Variants in RAPGEF2 observed in about 807,000 individuals in gnomAD.
The protein encoded by RAPGEF2 is PDZ domain containing guanine nucleotide exchange factor (GEF) 1.
RAPGEF2 carries 54 observed loss-of-function variants against 186.7 expected under a neutral mutation model. The observed-to-expected ratio is 0.29, with a 90% CI of 0.23 to 0.36. The LOEUF (loss-of-function observed/expected upper bound fraction) is 0.36, where lower values mean the gene tolerates loss of function less well. RAPGEF2 is among the 10% of genes least tolerant of loss of function. The probability of loss-of-function intolerance (pLI) is 1.00; values close to 1 mark genes in which losing one functional copy is unlikely to be tolerated. For missense variants in RAPGEF2, 1,532 were observed against 2,045.0 expected, an observed-to-expected ratio of 0.75 and a Z score of 4.84; for synonymous variants, 712 against 705.9, an observed-to-expected ratio of 1.01 and a Z score of -0.14.
intron 8 of RAPGEF2, among the ~76,000 whole-genome samples, chr4:159,308,325 A>G (rs968279152): frequency 1.3e-5 from 2 of 152,244 alleles, no homozygotes; most frequent in Non-Finnish European, 2.9e-5. Context: ...GGAAAAATCC[A>G]TAGATGTATC....
chr4:159,258,675 A>G (rs1034553928), intron 7 of RAPGEF2, among the ~76,000 whole-genome samples: 5 of 152,226 alleles, frequency 3.3e-5, no homozygotes, highest in African/African-American at 1.2e-4. Context: ...TGAAGACTCA[A>G]TAGGTCTATG....
intron 1 of RAPGEF2, among the ~76,000 whole-genome samples, chr4:159,131,086 G>C (rs1486744373): frequency 3.6e-5 from 2 of 55,944 alleles, no homozygotes; most frequent in Non-Finnish European, 6.9e-5. Flanking sequence ...GTTGTTTTGT[G>C]TGTGTGTGTG....
Position 159,220,872 on chromosome 4 carries a change from T to A in RAPGEF2, c.281+10289T>A, listed in dbSNP as rs1354721646. Among the ~76,000 whole-genome samples, 5 of 152,348 alleles carry A rather than the reference T, an allele frequency of 3.3e-5. No homozygotes were observed. The East Asian group carries it at 9.6e-4, about 29-fold the overall frequency. ...ATTTTTAACTTGACCTTTAAAAAAA[T>A]CACTTTAAAAAGTTTGACAATATTA... On this transcript the variant is annotated intron_variant, in intron 4 of 29. Coordinates refer to ENST00000691494, the MANE Select transcript of RAPGEF2 (RefSeq NM_001394067.2).
At chr4:159,117,872 G>A (rs1739219941) in intron 1 of RAPGEF2, among the ~76,000 whole-genome samples, 2 of 151,806 alleles carry the variant, frequency 1.3e-5, no homozygotes, top group South Asian at 2.1e-4. Context: ...CTATCCACAA[G>A]CCTCATTTAA....
chr4:159,194,823 ACCCT>A (rs1214384581), intron 3 of RAPGEF2, among the ~76,000 whole-genome samples: 5 of 152,042 alleles, frequency 3.3e-5, no homozygotes, highest in Admixed American at 1.3e-4. Context: ...ATGTCTCCCA[ACCCT>A]CCCTATCTAC....
At chr4:159,257,186 A>G (rs1202721813) in intron 7 of RAPGEF2, among the ~76,000 whole-genome samples, 1 of 152,080 alleles carries the variant, frequency 6.6e-6, no homozygotes, top group Non-Finnish European at 1.5e-5. Flanking sequence ...GATTGTTAAT[A>G]GTTTTGGGTT....
At chr4:159,142,148 T>C (rs1409475604) in intron 1 of RAPGEF2, among the ~76,000 whole-genome samples, 2 of 152,226 alleles carry the variant, frequency 1.3e-5, no homozygotes, top group East Asian at 3.8e-4. Context: ...TTTGGGTATT[T>C]ATTTATTTTT....
intron 1 of RAPGEF2, among the ~76,000 whole-genome samples, chr4:159,169,590 C>T (rs947391408): frequency 6.6e-5 from 10 of 152,078 alleles, no homozygotes; most frequent in African/African-American, 1.7e-4. Context: ...ACAGCCCCCC[C>T]TCCCCAGCCC....
At chr4:159,254,539 G>A (rs939208724) in intron 7 of RAPGEF2, among the ~76,000 whole-genome samples, 1 of 151,378 alleles carries the variant, frequency 6.6e-6, no homozygotes, top group Non-Finnish European at 1.5e-5. Context: ...AGATATTCAG[G>A]AATTGGCGTA....
At chr4:159,314,472 G>A in intron 8 of RAPGEF2, 119 bp from the exon 9 acceptor site, 1 of 936,664 alleles carries the variant, frequency 1.1e-6, no homozygotes, top group Non-Finnish European at 1.5e-6. Flanking sequence ...ATACATAGTT[G>A]TTGGATGGAA....
intron 1 of RAPGEF2, among the ~76,000 whole-genome samples, chr4:159,163,244 T>C (rs998083948): frequency 6.6e-6 from 1 of 152,198 alleles, no homozygotes; most frequent in Non-Finnish European, 1.5e-5. Flanking sequence ...TTTTACAGAT[T>C]TGTAAAATGT....
chr4:159,328,978 A>AT (rs1766305345), intron 11 of RAPGEF2: 1 of 152,114 alleles, frequency 6.6e-6, no homozygotes, highest in Non-Finnish European at 1.5e-5. Context: ...GTTGCATCAT[A>AT]TTTTATCTTA....
At chr4:159,305,117 T>C (rs1252602498) in intron 8 of RAPGEF2, among the ~76,000 whole-genome samples, 1 of 152,236 alleles carries the variant, frequency 6.6e-6, no homozygotes, top group Admixed American at 6.5e-5. Flanking sequence ...TCTTTGCTAT[T>C]GTGAATAGTG....
In RAPGEF2 at chr4:159,112,404, A is replaced by G. The variant is rs931402628; in HGVS notation, c.69+8173A>G. Among the ~76,000 whole-genome samples, 9 of 152,288 alleles carry G rather than the reference A, an allele frequency of 5.9e-5. No individual in the cohort carries two copies. In the East Asian group the frequency reaches 1.7e-3, roughly 29 times the overall value. On this transcript the variant is annotated intron_variant, in intron 1 of 29. Coordinates refer to ENST00000691494, the MANE Select transcript of RAPGEF2 (RefSeq NM_001394067.2). Reference sequence around the variant, plus strand: ...ATTTTTTTTTTGTCATAATGGAAGTAGTAAGGTTAGCCTTAGCCTTCATAT... The same window carrying G: ...ATTTTTTTTTTGTCATAATGGAAGTGGTAAGGTTAGCCTTAGCCTTCATAT...
At chr4:159,318,258 A>G (rs747278741) in intron 9 of RAPGEF2, among the ~76,000 whole-genome samples, 13 of 152,328 alleles carry the variant, frequency 8.5e-5, no homozygotes, top group Admixed American at 3.3e-4. Flanking sequence ...TTTGTATTCT[A>G]TTTCCCTGAA....
At chr4:159,257,108 G>C (rs917795360) in intron 7 of RAPGEF2, among the ~76,000 whole-genome samples, 1 of 151,804 alleles carries the variant, frequency 6.6e-6, no homozygotes, top group East Asian at 1.9e-4. Flanking sequence ...GTTTTGTTTT[G>C]TTTTGTTTTT....
intron 1 of RAPGEF2, among the ~76,000 whole-genome samples, chr4:159,115,043 C>G (rs1433050916): frequency 1.3e-5 from 2 of 152,170 alleles, no homozygotes; most frequent in Non-Finnish European, 2.9e-5. Flanking sequence ...CAAACAATCT[C>G]TACACATTTT....
rs1381542200 is a variant in RAPGEF2, at chr4:159,353,887, T to G, written c.4492T>G (p.Ser1498Ala). The G allele has an allele frequency of 5.6e-6, 9 of 1,614,034 alleles. No homozygotes were observed. Among genetic ancestry groups the G allele is most frequent in the Non-Finnish European group, 7.6e-6 (9 of 1,180,030 alleles). The change falls in exon 28 of 30, where the codon TCA (serine) becomes GCA (alanine). Residue 1498 changes from serine (S) to alanine (A), a missense_variant. By Grantham distance (99) the Ser-to-Ala change is moderately conservative (BLOSUM62 1). Coordinates refer to ENST00000691494, the MANE Select transcript of RAPGEF2 (RefSeq NM_001394067.2). The surrounding 1 kb of genome is among the most constrained non-coding windows in gnomAD (Gnocchi z 4.3). Reference sequence around the variant, plus strand: ...TTCCACAGGTTACTGGGGAGAAGACTCAGAAGGTGACACAGGCACAATAAA... The same window carrying G: ...TTCCACAGGTTACTGGGGAGAAGACGCAGAAGGTGACACAGGCACAATAAA... ...ASSTGYWGED[S>A]EGDTGTIKRR...
At chr4:159,324,169 A>G (rs962324142) in intron 11 of RAPGEF2, among the ~76,000 whole-genome samples, 4 of 152,090 alleles carry the variant, frequency 2.6e-5, no homozygotes, top group Non-Finnish European at 5.9e-5. Flanking sequence ...TGCTGGGATT[A>G]CAGGTGTGAG....
Sources: allele counts gnomAD v4.1 joint callset (sites outside exome capture counted in the v4.1 genomes callset), GRCh38; gene constraint gnomAD v4.1.1; non-coding constraint Gnocchi (gnomAD v3.1); transcripts MANE v1.5; gene names NCBI Gene and HGNC (gene_info 2026-07-23, HGNC 2026-07-21).